Variants in TTN observed in about 807,000 individuals in gnomAD.
TTN encodes the protein connectin.
A neutral mutation model predicts 3,223.0 loss-of-function variants in TTN; 1,525 were observed. The ratio of observed to expected loss-of-function variants is 0.47; its 90% CI spans 0.45 to 0.49. The LOEUF (loss-of-function observed/expected upper bound fraction) is 0.49, where lower values mean the gene tolerates loss of function less well. Among genes scored for constraint, TTN ranks in the 20% least tolerant of loss-of-function variants. TTN has a pLI of 0.00. For missense variants in TTN, 40,786 were observed against 43,424.0 expected, an observed-to-expected ratio of 0.94 and a Z score of 5.40; for synonymous variants, 14,094 against 15,161.0, an observed-to-expected ratio of 0.93 and a Z score of 5.17.
chr2:178,560,306 C>G lies in TTN; in HGVS notation c.85826G>C (p.Arg28609Thr), dbSNP rs755662471. 1 of 1,613,768 alleles carries G rather than the reference C, an allele frequency of 6.2e-7. No homozygotes were observed. Among genetic ancestry groups the G allele is most frequent in the Admixed American group, 1.7e-5 (1 of 59,998 alleles). Residue 28609 changes from arginine (R) to threonine (T), a missense_variant, in exon 326 of 363, where the codon AGA becomes ACA. Coordinates refer to ENST00000589042, the MANE Select transcript of TTN (RefSeq NM_001267550.2). ...TTCCCGAAGTCCTGTTGATTTCACT[C>G]TTAGATCATAAACTGGTTTTTTGTT... ...RVNKKPVYDLRVKSTGLREGC... is the reference protein window; with the variant it reads ...RVNKKPVYDLTVKSTGLREGC...
rs761041978 is a variant in TTN, at chr2:178,728,296, T to C, written c.19528A>G (p.Ile6510Val). 3.8e-5 allele frequency: 62 copies of C among 1,613,132 alleles called. No homozygotes were observed. Among genetic ancestry groups the C allele is most frequent in the Non-Finnish European group, 5.0e-5 (59 of 1,179,532 alleles). Residue 6510 changes from isoleucine to valine, a missense_variant, in exon 67 of 363, where the codon ATT (isoleucine) becomes GTT (valine). Coordinates refer to ENST00000589042, the MANE Select transcript of TTN (RefSeq NM_001267550.2). Reference sequence around the variant, plus strand: ...CCATCCTTAAACCACTGAGCACTAATGGGAAGTGAACCAGACACCTTGCAC... The same window carrying C: ...CCATCCTTAAACCACTGAGCACTAACGGGAAGTGAACCAGACACCTTGCAC... Reference protein sequence around the residue: ...MECKVSGSLPISAQWFKDGKE... With the variant: ...MECKVSGSLPVSAQWFKDGKE...
intron 214 of TTN, 85 bp downstream of exon 214, chr2:178,647,296 A>T: frequency 6.9e-7 from 1 of 1,453,638 alleles, no homozygotes; most frequent in Non-Finnish European, 9.4e-7. Flanking sequence ...ATACAGACAG[A>T]CAAATACGTA....
chr2:178,609,233 T>C lies in TTN; in HGVS notation c.52077A>G (p.Lys17359=), dbSNP rs1167384081. The change falls in exon 273 of 363, where the codon AAA becomes AAG. Residue 17359 remains lysine, a synonymous_variant. Transcript: ENST00000589042. ...CTAACACACTGACAGTACAAGGAGC[T>C]TTTGCAATACCGTGGTCATTTTCAA... is the stretch of plus-strand genomic sequence containing the variant. The part of the protein sequence containing the change: ...IKVENDHGIA[K]APCTVSVLDT... 6.6e-7 allele frequency: 1 copy of C among 1,522,728 alleles called. No individual in the cohort carries two copies. The highest frequency in any genetic ancestry group is 2.3e-5 in the East Asian group (1 of 43,812). The allele number at this position is 1,522,728 out of a possible 1,614,324, so 94.3% of individuals were successfully genotyped here. A position where few individuals can be genotyped will look rare whatever the true frequency, so the allele number is the denominator to read the frequency against.
In TTN at chr2:178,573,527, T is replaced by G; in HGVS notation, c.72605A>C (p.Lys24202Thr). Residue 24202 changes from lysine (K) to threonine (T), a missense_variant, in exon 326 of 363, where the codon AAA (lysine) becomes ACA (threonine). Physicochemically the swap from Lys to Thr is moderately conservative, Grantham distance 78. Coordinates refer to ENST00000589042, the MANE Select transcript of TTN (RefSeq NM_001267550.2). ...EYIFRVMAVN[K>T]YGVGEPLESE... ...TTCCAGTGGCTCTCCCACTCCATAT[T>G]TATTTACAGCCATGACACGGAATAT... 3 of 1,497,804 alleles carry G rather than the reference T, an allele frequency of 2.0e-6. No homozygotes were observed. The highest frequency in any genetic ancestry group is 2.9e-5 in the South Asian group (2 of 68,800). 92.8% of individuals were successfully genotyped at this position (1,497,804 alleles called of 1,614,324 possible).
In TTN at chr2:178,584,750, T is replaced by G. The variant is rs757787828; in HGVS notation, c.64891A>C (p.Ile21631Leu). ...CGGTTTTCAGCACGGACCCGGAAGA[T>G]GTACTCCTGGCCTGGGATCAGCTTT... ...VGKLIPGQEY[I>L]FRVRAENRFG... The change falls in exon 310 of 363, where the codon ATC (isoleucine) becomes CTC (leucine). Residue 21631 changes from isoleucine (I) to leucine (L), a missense_variant. Transcript: ENST00000589042. The G allele has an allele frequency of 3.1e-6, 5 of 1,613,482 alleles. No homozygotes were observed. Among genetic ancestry groups the G allele is most frequent in the Non-Finnish European group, 3.4e-6 (4 of 1,179,572 alleles).
rs149748934 is a variant in TTN, at chr2:178,748,452, G to A, written c.11311+4672C>T. On this transcript the variant is annotated intron_variant, in intron 47 of 362. Transcript: ENST00000589042. ...TCAGGTTGTAACGTTTCAGGGCTAGGAATTTTTTCTTTATAATGTATTTCC... is the reference window on the plus strand; with the variant it reads ...TCAGGTTGTAACGTTTCAGGGCTAGAAATTTTTTCTTTATAATGTATTTCC... The A allele has an allele frequency of 3.4e-3, 5,467 of 1,612,962 alleles. 11 individuals carry two copies. The highest frequency in any genetic ancestry group is 4.3e-3 in the Non-Finnish European group (5,045 of 1,179,332).
intron 326 of TTN, chr2:178,558,915 G>T: frequency 2.3e-6 from 1 of 435,470 alleles, no homozygotes; most frequent in Non-Finnish European, 4.0e-6. Context: ...TAAAAAAGAG[G>T]AACAAGATGA....
rs1408743054 is a variant in TTN, at chr2:178,562,203, T to C, written c.83929A>G (p.Arg27977Gly). 1 of 1,612,808 alleles carries C rather than the reference T, an allele frequency of 6.2e-7. No homozygotes were observed. Among genetic ancestry groups the C allele is most frequent in the Non-Finnish European group, 8.5e-7 (1 of 1,179,432 alleles). Residue 27977 changes from arginine (R) to glycine (G), a missense_variant, in exon 326 of 363, where the codon AGA becomes GGA. Physicochemically the swap from Arg to Gly is moderately radical, Grantham distance 125. Coordinates refer to ENST00000589042, the MANE Select transcript of TTN (RefSeq NM_001267550.2). Reference sequence around the variant, plus strand: ...GGCACATCAATCTTAAGTTGTTCTCTAGCCTTTACATTGAAAGTATGGAAA... The same window carrying C: ...GGCACATCAATCTTAAGTTGTTCTCCAGCCTTTACATTGAAAGTATGGAAA... ...LPFHTFNVKA[R>G]EQLKIDVPFK...
At chr2:178,623,822 G>GA (rs2058652269) in intron 242 of TTN, among the ~76,000 whole-genome samples, 1 of 151,792 alleles carries the variant, frequency 6.6e-6, no homozygotes, top group Non-Finnish European at 1.5e-5. Flanking sequence ...GTGGCATTTT[G>GA]AAAAAAGACA....
rs776892690 is a variant in TTN, at chr2:178,715,053, C to T, written c.26133G>A (p.Gly8711=). The T allele has an allele frequency of 6.8e-6, 11 of 1,613,530 alleles. No individual in the cohort carries two copies. In the African/African-American group the frequency reaches 1.1e-4, roughly 16 times the overall value. Residue 8711 remains glycine (G), a synonymous_variant, in exon 90 of 363, where the codon GGG becomes GGA. Coordinates refer to ENST00000589042, the MANE Select transcript of TTN (RefSeq NM_001267550.2). Reference sequence around the variant, plus strand: ...CATTTGTGGCTTTACACTGATATTCCCCAATGTCTGCAGCATCGACATTCA... The same window carrying T: ...CATTTGTGGCTTTACACTGATATTCTCCAATGTCTGCAGCATCGACATTCA... ...HILNVDAADI[G]EYQCKATNDV...
chr2:178,725,222 A>G, intron 71 of TTN, 146 bp downstream of exon 71: 1 of 871,184 alleles, frequency 1.1e-6, no homozygotes. Flanking sequence ...TGTTTGAAAG[A>G]TCAACTATGT....
Position 178,722,880 on chromosome 2 carries a change from A to T in TTN, c.22019T>A (p.Val7340Asp). ...CCCAGCAACTTGGCATTGTAAAGAA[A>T]CCGAATCTCCAACTGCTGCCTCCAG... ...EPLEAAVGDSVSLQCQVAGTP... is the reference protein window; with the variant it reads ...EPLEAAVGDSDSLQCQVAGTP... Residue 7340 changes from valine to aspartate, a missense_variant, in exon 76 of 363, where the codon GTT becomes GAT. Physicochemically the swap from Val to Asp is radical, Grantham distance 152. Transcript: ENST00000589042. 6.2e-7 allele frequency: 1 copy of T among 1,613,040 alleles called. No individual in the cohort carries two copies. Among genetic ancestry groups the T allele is most frequent in the Non-Finnish European group, 8.5e-7 (1 of 1,179,420 alleles).
At chr2:178,789,229 TGGTTAATA>T in intron 13 of TTN, 123 bp downstream of exon 13, 3 of 1,179,818 alleles carry the variant, frequency 2.5e-6, no homozygotes. Flanking sequence ...AAAATAAATT[TGGTTAATA>T]GTGACTCATA....
Position 178,733,366 on chromosome 2 carries a change from T to C in TTN, c.15927A>G (p.Ile5309Met). 6.2e-7 allele frequency: 1 copy of C among 1,613,816 alleles called. No individual in the cohort carries two copies. Among genetic ancestry groups the C allele is most frequent in the Non-Finnish European group, 8.5e-7 (1 of 1,179,802 alleles). The change falls in exon 54 of 363, where the codon ATA becomes ATG. Residue 5309 changes from isoleucine to methionine, a missense_variant. By Grantham distance (10) the Ile-to-Met change is conservative. Coordinates refer to ENST00000589042, the MANE Select transcript of TTN (RefSeq NM_001267550.2). ...GCTGGGCAACATTGTTTTTAAAACT[T>C]ATTCGGTATTTTTTACTGGCGACCA... Reference protein sequence around the residue: ...RPLVASKKYRISFKNNVAQLK... With the variant: ...RPLVASKKYRMSFKNNVAQLK...
rs772718460 is a variant in TTN at position 178,531,629 on chromosome 2, C to T, written c.104986G>A (p.Val34996Ile). The T allele has an allele frequency of 4.3e-6, 7 of 1,614,014 alleles. No individual in the cohort carries two copies. The highest frequency in any genetic ancestry group is 1.3e-5 in the African/African-American group (1 of 75,050). Residue 34996 changes from valine to isoleucine, a missense_variant, in exon 358 of 363, where the codon GTC (valine) becomes ATC (isoleucine). Transcript: ENST00000589042. ...SKIHYTNTSG[V>I]LTLEILDCHT... Reference sequence around the variant, plus strand: ...CAGTCCAGAATTTCCAGGGTGAGGACTCCACTCGTGTTGGTGTAATGAATC... The same window carrying T: ...CAGTCCAGAATTTCCAGGGTGAGGATTCCACTCGTGTTGGTGTAATGAATC...
At chr2:178,701,334 A>T (rs2074944446) in intron 110 of TTN, 131 bp from the exon 111 acceptor site, 1 of 1,030,144 alleles carries the variant, frequency 9.7e-7, no homozygotes, top group South Asian at 1.8e-5. Flanking sequence ...CGGAACAAAT[A>T]AAAGTAGCAT....
rs1174918107 is a variant in TTN, at chr2:178,634,540, C to T, written c.42241G>A (p.Ala14081Thr). The T allele has an allele frequency of 1.2e-6, 2 of 1,613,176 alleles. No homozygotes were observed. The highest frequency in any genetic ancestry group is 1.3e-5 in the African/African-American group (1 of 74,840). Residue 14081 changes from alanine (A) to threonine (T), a missense_variant, in exon 230 of 363, where the codon GCA becomes ACA. Ala to Thr is a moderately conservative substitution (Grantham distance 58, BLOSUM62 0). Transcript: ENST00000589042. This position sits in a 1 kb window ranked among gnomAD's most constrained non-coding sequence, Gnocchi z 4.6. ...GGTCCTTTGGACCATATAACATTTG[C>T]CTCTCGGGTGAGGACACATTCGAAT... ...ARFECVLTRE[A>T]NVIWSKGPDI...
At chr2:178,635,096 G>A (rs1231432769) in intron 228 of TTN, 69 bp downstream of exon 228, 9 of 1,581,204 alleles carry the variant, frequency 5.7e-6, no homozygotes, top group Non-Finnish European at 7.7e-6. Flanking sequence ...CCGAATCTAG[G>A]ATATAGATCC....
In TTN at chr2:178,635,660, C is replaced by G. The variant is rs1459382951; in HGVS notation, c.41664G>C (p.Lys13888Asn). The change falls in exon 227 of 363, where the codon AAG becomes AAC. Residue 13888 changes from lysine to asparagine, a missense_variant. By Grantham distance (94) the Lys-to-Asn change is moderately conservative (BLOSUM62 0). Coordinates refer to ENST00000589042, the MANE Select transcript of TTN (RefSeq NM_001267550.2). ...KPIRDQHVKP[K>N]GTAIFACDIA... ...TATCACAGGCAAAAATAGCTGTCCC[C>G]TTGGGTTTCACATGCTGGTCTCGTA... 7 of 1,600,752 alleles carry G rather than the reference C, an allele frequency of 4.4e-6. No homozygotes were observed. In the Admixed American group the frequency reaches 1.2e-4, roughly 27 times the overall value.
Sources: gnomAD v4.1 joint callset for allele counts (sites outside exome capture counted in the v4.1 genomes callset) on GRCh38, gnomAD v4.1.1 for gene constraint, Gnocchi (gnomAD v3.1) non-coding constraint, MANE v1.5 for transcripts, NCBI Gene and HGNC (gene_info 2026-07-23, HGNC 2026-07-21) for gene names.